Variants in ZNF536 observed in about 807,000 individuals in gnomAD.
ZNF536 encodes zinc finger protein 536.
ZNF536 carries 13 observed loss-of-function variants against 84.5 expected under a neutral mutation model. That is an observed-to-expected ratio of 0.15 (90% CI 0.10 to 0.24). The LOEUF (loss-of-function observed/expected upper bound fraction) is 0.24, where lower values mean the gene tolerates loss of function less well. ZNF536 is among the 10% of genes least tolerant of loss of function. The probability of loss-of-function intolerance (pLI) is 1.00; values close to 1 mark genes in which losing one functional copy is unlikely to be tolerated. For synonymous variants in ZNF536, 811 were observed against 742.5 expected (o/e 1.09, Z -1.50); for missense variants, 1,536 against 1,747.5 (o/e 0.88, Z 2.16).
At position 30,557,266 on chromosome 19, in the gene ZNF536, G is replaced by A. The variant is rs2045999936; in HGVS notation, c.*102G>A. The A allele has an allele frequency of 7.5e-7, 1 of 1,328,572 alleles. No individual in the cohort carries two copies. The highest frequency in any genetic ancestry group is 1.7e-5 in the Admixed American group (1 of 58,434). 82.3% of individuals were successfully genotyped at this position (1,328,572 alleles called of 1,614,324 possible). On this transcript the variant is annotated 3_prime_UTR_variant, in exon 5 of 5. Transcript: ENST00000355537. ...AATCGTGTAAAGTCAAGAGAAGAATGTATACACATATGTGTGTTGAATAAT... is the reference window on the plus strand; with the variant it reads ...AATCGTGTAAAGTCAAGAGAAGAATATATACACATATGTGTGTTGAATAAT...
At chr19:30,621,399 C>A (rs2048476840) in intron 1 of ZNF536, among the ~76,000 whole-genome samples, 1 of 152,000 alleles carries the variant, frequency 6.6e-6, no homozygotes, top group Non-Finnish European at 1.5e-5. Context: ...TGTGGCCTCT[C>A]CATGCTGCAA....
intron 4 of ZNF536, among the ~76,000 whole-genome samples, chr19:30,551,237 T>C (rs921341751): frequency 2.0e-5 from 3 of 151,954 alleles, no homozygotes; most frequent in African/African-American, 7.3e-5. Context: ...GGCATGTTCA[T>C]GAGCTCATTA....
chr19:30,455,411 T>C lies in ZNF536; in HGVS notation c.2170+9679T>C, dbSNP rs143955434. ...TAATTGGGACCTTCATCACCTTAAA[T>C]ATTTATCTTGGCTGGATCCAGTGGC... On this transcript the variant is annotated intron_variant, in intron 2 of 4. Transcript: ENST00000355537. Among the ~76,000 whole-genome samples, 48 of 152,278 alleles carry C rather than the reference T, an allele frequency of 3.2e-4. 2 individuals carry two copies. The highest frequency in any genetic ancestry group is 1.0e-3 in the African/African-American group (43 of 41,556).
intron 1 of ZNF536, among the ~76,000 whole-genome samples, chr19:30,404,257 G>A (rs977813614): frequency 3.3e-5 from 5 of 152,120 alleles, no homozygotes; most frequent in African/African-American, 1.2e-4. Context: ...GCAGAGCCCA[G>A]ACTCCCCAAG....
chr19:30,604,156 T>G (rs937920743), intron 1 of ZNF536, among the ~76,000 whole-genome samples: 74 of 152,304 alleles, frequency 4.9e-4, no homozygotes, highest in African/African-American at 1.8e-3. Flanking sequence ...TATGCAATAG[T>G]AGAAGACTGG....
chr19:30,384,316 T>C (rs191809139), intron 1 of ZNF536, among the ~76,000 whole-genome samples: 29 of 1,906 alleles, frequency 0.015, no homozygotes, highest in East Asian at 0.026. Context: ...CTCCCCTCCC[T>C]TCCCCTCCCC....
At chr19:30,582,578 A>T (rs1027412430) in intron 1 of ZNF536, among the ~76,000 whole-genome samples, 1 of 151,290 alleles carries the variant, frequency 6.6e-6, no homozygotes, top group African/African-American at 2.4e-5. Context: ...TTTTATAGAG[A>T]CGATGTATTA....
intron 1 of ZNF536, among the ~76,000 whole-genome samples, chr19:30,442,416 T>C (rs1410029590): frequency 6.6e-6 from 1 of 152,222 alleles, no homozygotes; most frequent in African/African-American, 2.4e-5. Flanking sequence ...GCAGGTACAA[T>C]TTGTACTCAT....
chr19:30,489,027 T>C (rs1030084739), intron 2 of ZNF536, among the ~76,000 whole-genome samples: 2 of 152,194 alleles, frequency 1.3e-5, no homozygotes, highest in African/African-American at 4.8e-5. Flanking sequence ...TATACTGGCC[T>C]GCCCAAGGTA....
chr19:30,629,541 G>A (rs1375584116), intron 1 of ZNF536, among the ~76,000 whole-genome samples: 1 of 152,192 alleles, frequency 6.6e-6, no homozygotes, highest in East Asian at 1.9e-4. Context: ...CGAAGTGGAC[G>A]TCCTTATTAT....
chr19:30,672,877 G>A (rs1441598009), intron 1 of ZNF536, among the ~76,000 whole-genome samples: 1 of 152,178 alleles, frequency 6.6e-6, no homozygotes, highest in Non-Finnish European at 1.5e-5. Context: ...TTCCTGCTGG[G>A]ACCCTCCGAG....
intron 2 of ZNF536, among the ~76,000 whole-genome samples, chr19:30,299,546 G>A (rs1278674072): frequency 6.6e-6 from 1 of 152,118 alleles, no homozygotes; most frequent in East Asian, 1.9e-4. Flanking sequence ...AGCCACAGTG[G>A]GGAGAAGGTT....
At chr19:30,420,720 C>A (rs1427782478) in intron 1 of ZNF536, among the ~76,000 whole-genome samples, 1 of 152,024 alleles carries the variant, frequency 6.6e-6, no homozygotes, top group Non-Finnish European at 1.5e-5. Flanking sequence ...AGTTAAATCC[C>A]ATCTATTTAG....
Position 30,549,514 on chromosome 19 carries a change from G to A in ZNF536, c.3895G>A (p.Gly1299Ser), listed in dbSNP as rs2146260263. 6.6e-7 allele frequency: 1 copy of A among 1,505,780 alleles called. No homozygotes were observed. The highest frequency in any genetic ancestry group is 1.4e-5 in the South Asian group (1 of 72,754). 93.3% of individuals were successfully genotyped at this position (1,505,780 alleles called of 1,614,324 possible). A position where few individuals can be genotyped will look rare whatever the true frequency, so the allele number is the denominator to read the frequency against. ...ATGTATCAAGAGGCCAGACTTGTGTGGTAAGTTTTAGAATCCTCTTCCTAT... is the reference window on the plus strand; with the variant it reads ...ATGTATCAAGAGGCCAGACTTGTGTAGTAAGTTTTAGAATCCTCTTCCTAT... ...SGCIKRPDLC[G>S]K The change falls in exon 4 of 5, where the codon GGT becomes AGT. Residue 1299 changes from glycine to serine, a missense_variant and splice_region_variant. Physicochemically the swap from Gly to Ser is moderately conservative, Grantham distance 56. Coordinates refer to ENST00000355537, the MANE Select transcript of ZNF536 (RefSeq NM_014717.3).
intron 1 of ZNF536, among the ~76,000 whole-genome samples, chr19:30,411,527 G>A (rs544870197): frequency 6.6e-6 from 1 of 152,210 alleles, no homozygotes; most frequent in African/African-American, 2.4e-5. Context: ...GTAATGTTGT[G>A]TAATGTATTT....
chr19:30,480,973 G>A (rs1187437529), intron 2 of ZNF536, among the ~76,000 whole-genome samples: 3 of 150,670 alleles, frequency 2.0e-5, no homozygotes, highest in African/African-American at 2.4e-5. Flanking sequence ...AGGCTGCAGT[G>A]AGCCGAGTTC....
intron 2 of ZNF536, among the ~76,000 whole-genome samples, chr19:30,486,787 AT>A (rs1415821824): frequency 6.6e-6 from 1 of 151,980 alleles, no homozygotes; most frequent in Non-Finnish European, 1.5e-5. Context: ...TCTTACATGT[AT>A]TTTCTATAAT....
intron 2 of ZNF536, among the ~76,000 whole-genome samples, chr19:30,505,709 A>C (rs2055147941): frequency 6.6e-6 from 1 of 152,144 alleles, no homozygotes; most frequent in Non-Finnish European, 1.5e-5. Context: ...TTTGTCACTC[A>C]TGCTGGAGTG....
chr19:30,575,799 C>T (rs149339872), intron 1 of ZNF536, among the ~76,000 whole-genome samples: 67 of 152,306 alleles, frequency 4.4e-4, no homozygotes, highest in Non-Finnish European at 8.7e-4. Flanking sequence ...GAAGCCAGTG[C>T]GTTCCTCGGA....
Sources: gnomAD v4.1 joint callset for allele counts (sites outside exome capture counted in the v4.1 genomes callset) on GRCh38, gnomAD v4.1.1 for gene constraint, MANE v1.5 for transcripts, NCBI Gene and HGNC (gene_info 2026-07-23, HGNC 2026-07-21) for gene names.